The following JADE1 variants were observed in gnomAD, a reference collection of about 807,000 sequenced individuals.
JADE1 encodes the protein jade family PHD finger 1.
JADE1 carries 14 observed loss-of-function variants against 81.8 expected under a neutral mutation model. That is an observed-to-expected ratio of 0.17 (90% CI 0.11 to 0.27). The LOEUF is 0.27. JADE1 is among the 10% of genes least tolerant of loss of function. The pLI, the probability that JADE1 is intolerant of heterozygous loss-of-function variation, is 1.00. For synonymous variants in JADE1, 353 were observed against 391.9 expected (o/e 0.90, Z 1.17); for missense variants, 690 against 1,047.9 (o/e 0.66, Z 4.71).
At position 128,846,515 on chromosome 4, in the gene JADE1, C is replaced by G; in HGVS notation, c.279C>G (p.Ile93Met). The change falls in exon 4 of 11, where the codon ATC (isoleucine) becomes ATG (methionine). Residue 93 changes from isoleucine to methionine, a missense_variant. Ile to Met is a conservative substitution (Grantham distance 10). This residue lies in a region of JADE1 where 98 missense variants were observed against 161.3 expected (regional missense o/e 0.61). Coordinates refer to ENST00000226319, the MANE Select transcript of JADE1 (RefSeq NM_199320.4). This position sits in a 1 kb window ranked among gnomAD's most constrained non-coding sequence, Gnocchi z 4.0. ...GVQVPVSPGT[I>M]PQPVARVVSE... is the part of the protein sequence containing the mutation. Reference sequence around the variant, plus strand: ...AGGTGCCTGTGAGCCCGGGGACCATCCCTCAGCCTGTGGCCAGGTAGAGAT... The same window carrying G: ...AGGTGCCTGTGAGCCCGGGGACCATGCCTCAGCCTGTGGCCAGGTAGAGAT... 6.2e-7 allele frequency: 1 copy of G among 1,614,162 alleles called. No individual in the cohort carries two copies. The highest frequency in any genetic ancestry group is 8.5e-7 in the Non-Finnish European group (1 of 1,180,018).
chr4:128,813,500 C>T (rs1351693464), intron 1 of JADE1, among the ~76,000 whole-genome samples: 4 of 147,368 alleles, frequency 2.7e-5, no homozygotes, highest in African/African-American at 7.5e-5. Context: ...CTCACTGCAA[C>T]CTCCGCCTCC....
chr4:128,817,026 T>C (rs969395822), intron 1 of JADE1, among the ~76,000 whole-genome samples: 2 of 151,896 alleles, frequency 1.3e-5, no homozygotes, highest in Admixed American at 6.6e-5. Flanking sequence ...GTCTGTCTAA[T>C]TTTTGTATTT....
intron 1 of JADE1, among the ~76,000 whole-genome samples, chr4:128,825,153 C>G (rs1243080601): frequency 6.6e-6 from 1 of 152,166 alleles, no homozygotes; most frequent in African/African-American, 2.4e-5. Context: ...GATTCTCCTG[C>G]CTTAGCCTCT....
rs377418484 is a variant in JADE1 at position 128,849,037 on chromosome 4, A to G, written c.354A>G (p.Ser118=). 6.2e-6 allele frequency: 10 copies of G among 1,613,948 alleles called. No homozygotes were observed. The highest frequency in any genetic ancestry group is 1.7e-5 in the Admixed American group (1 of 59,984). Residue 118 remains serine (S), a synonymous_variant, in exon 5 of 11, where the codon TCA becomes TCG. Coordinates refer to ENST00000226319, the MANE Select transcript of JADE1 (RefSeq NM_199320.4). ...TCAGGCCCAAGAAGTACATCGTGTC[A>G]TCAGGCTCTGAGCCTCCCGAGTTGG... The part of the protein sequence containing the change: ...MFIRPKKYIV[S]SGSEPPELGY...
At chr4:128,821,937 TA>T (rs1038563653) in intron 1 of JADE1, among the ~76,000 whole-genome samples, 4 of 152,224 alleles carry the variant, frequency 2.6e-5, no homozygotes, top group African/African-American at 9.7e-5. Flanking sequence ...TTCAAAAACT[TA>T]AGCTTTTGAA....
At chr4:128,833,636 G>A (rs571918443) in intron 2 of JADE1, among the ~76,000 whole-genome samples, 1 of 152,318 alleles carries the variant, frequency 6.6e-6, no homozygotes, top group South Asian at 2.1e-4. Context: ...GGAGGTTGCA[G>A]TGAGCCGAGA....
chr4:128,850,283 C>T (rs150618570), intron 5 of JADE1, among the ~76,000 whole-genome samples: 11 of 149,370 alleles, frequency 7.4e-5, no homozygotes, highest in South Asian at 4.3e-4. Context: ...ACTGCATTCC[C>T]ACCTGGGCAA....
chr4:128,812,196 G>C (rs1346719485), intron 1 of JADE1, among the ~76,000 whole-genome samples: 1 of 152,080 alleles, frequency 6.6e-6, no homozygotes, highest in Non-Finnish European at 1.5e-5. Flanking sequence ...GCGGGGCTTG[G>C]TTGCGCCACG....
chr4:128,853,201 A>T (rs1212017203), intron 6 of JADE1, among the ~76,000 whole-genome samples: 3 of 152,160 alleles, frequency 2.0e-5, no homozygotes, highest in African/African-American at 7.2e-5. Flanking sequence ...TTAGAAGGGT[A>T]CCAGTCGTAT....
Position 128,861,742 on chromosome 4 carries a change from C to T in JADE1, c.1020C>T (p.Thr340=). The change falls in exon 9 of 11, where the codon ACC becomes ACT. Residue 340 remains threonine (T), a synonymous_variant. Transcript: ENST00000226319. ...ACTGCCGCACAGCCTTCCATGTGAC[C>T]TGTGCTTTTGACCGGGGCCTGGAGA... The part of the protein sequence containing the change: ...VKNCRTAFHV[T]CAFDRGLEMK... 2 of 1,614,204 alleles carry T rather than the reference C, an allele frequency of 1.2e-6. No individual in the cohort carries two copies. Among genetic ancestry groups the T allele is most frequent in the African/African-American group, 2.7e-5 (2 of 75,046 alleles).
chr4:128,833,799 A>G (rs370676218), intron 2 of JADE1, among the ~76,000 whole-genome samples: 11 of 152,292 alleles, frequency 7.2e-5, no homozygotes, highest in African/African-American at 2.4e-4. Flanking sequence ...CCCTATTTAA[A>G]TATTTTTCTT....
chr4:128,862,926 G>A, intron 9 of JADE1: 1 of 986,380 alleles, frequency 1.0e-6, no homozygotes, highest in Non-Finnish European at 1.2e-6. Context: ...GCGTGCCCGT[G>A]TCCATCCATG....
At chr4:128,839,914 A>G (rs910627562) in intron 2 of JADE1, among the ~76,000 whole-genome samples, 2 of 152,174 alleles carry the variant, frequency 1.3e-5, no homozygotes, top group South Asian at 2.1e-4. Flanking sequence ...TAGTTTCTTT[A>G]CCAGTCTTTC....
At chr4:128,865,001 T>C (rs1452982154) in intron 9 of JADE1, 1 of 152,200 alleles carries the variant, frequency 6.6e-6, no homozygotes, top group African/African-American at 2.4e-5. Context: ...CCCTAAAAGA[T>C]GCAGTAAATG....
chr4:128,873,030 C>T lies in JADE1; in HGVS notation c.*768C>T, dbSNP rs1732307005. 2.4e-6 allele frequency: 1 copy of T among 410,456 alleles called. No homozygotes were observed. Among genetic ancestry groups the T allele is most frequent in the Non-Finnish European group, 5.0e-6 (1 of 199,156 alleles). The allele number at this position is 410,456 out of a possible 1,614,324, so 25.4% of individuals were successfully genotyped here. A position where few individuals can be genotyped will look rare whatever the true frequency, so the allele number is the denominator to read the frequency against. On this transcript the variant is annotated 3_prime_UTR_variant, in exon 11 of 11. Transcript: ENST00000226319. ...AGGGCAGTTGAAGTAGAATTTTTACCAGTCCACTTGACCTTCTTCTTCCCT... is the reference window on the plus strand; with the variant it reads ...AGGGCAGTTGAAGTAGAATTTTTACTAGTCCACTTGACCTTCTTCTTCCCT...
rs1274713170 is a variant in JADE1, at chr4:128,872,139, G to C, written c.2406G>C (p.Gly802=). The part of the protein sequence containing the change: ...SKLKSDNEND[G]YVPDVEMSDS... ...TAAAATCCGACAATGAGAATGACGG[G>C]TATGTCCCCGATGTGGAAATGAGTG... Residue 802 remains glycine, a synonymous_variant, in exon 11 of 11, where the codon GGG becomes GGC. Transcript: ENST00000226319. 11 of 1,614,046 alleles carry C rather than the reference G, an allele frequency of 6.8e-6. No individual in the cohort carries two copies. The highest frequency in any genetic ancestry group is 9.3e-6 in the Non-Finnish European group (11 of 1,180,028).
At chr4:128,827,241 A>C (rs965427358) in intron 1 of JADE1, among the ~76,000 whole-genome samples, 2 of 152,188 alleles carry the variant, frequency 1.3e-5, no homozygotes, top group Non-Finnish European at 2.9e-5. Flanking sequence ...TACCATTTCT[A>C]ACAAGTGTCA....
Position 128,831,779 on chromosome 4 carries a change from C to T in JADE1, c.21C>T (p.Pro7=), listed in dbSNP as rs930673564. Reference sequence around the variant, plus strand: ...AGATCATGAAACGAGGTCGCCTTCCCAGCAGCAGTGAGGATTCTGACGACA... The same window carrying T: ...AGATCATGAAACGAGGTCGCCTTCCTAGCAGCAGTGAGGATTCTGACGACA... The part of the protein sequence containing the change: MKRGRL[P]SSSEDSDDNG... Residue 7 remains proline, a synonymous_variant, in exon 2 of 11, where the codon CCC becomes CCT. Coordinates refer to ENST00000226319, the MANE Select transcript of JADE1 (RefSeq NM_199320.4). 8 of 1,614,062 alleles carry T rather than the reference C, an allele frequency of 5.0e-6. No homozygotes were observed. In the African/African-American group the frequency reaches 1.1e-4, roughly 22 times the overall value.
intron 1 of JADE1, among the ~76,000 whole-genome samples, chr4:128,829,997 C>A (rs982520160): frequency 6.6e-6 from 1 of 151,422 alleles, no homozygotes; most frequent in East Asian, 1.9e-4. Context: ...CCTGCTTGAG[C>A]CTCCTGAGTA....
Sources: allele counts gnomAD v4.1 joint callset (sites outside exome capture counted in the v4.1 genomes callset), GRCh38; gene constraint gnomAD v4.1.1; regional missense constraint gnomAD v4.1.1; non-coding constraint Gnocchi (gnomAD v3.1); transcripts MANE v1.5; gene names NCBI Gene and HGNC (gene_info 2026-07-23, HGNC 2026-07-21).